The following SLC1A2 variants were observed in gnomAD, a reference collection of about 807,000 sequenced individuals.
The protein encoded by SLC1A2 is excitatory amino acid transporter 2.
SLC1A2 carries 15 observed loss-of-function variants against 48.8 expected under a neutral mutation model. The ratio of observed to expected loss-of-function variants is 0.31; its 90% CI spans 0.21 to 0.47. The LOEUF is 0.47. Ranked by LOEUF, SLC1A2 falls within the 20% of genes least tolerant of loss-of-function variation. The probability of loss-of-function intolerance (pLI) is 0.99; values close to 1 mark genes in which losing one functional copy is unlikely to be tolerated. For missense variants in SLC1A2, 502 were observed against 730.5 expected, an observed-to-expected ratio of 0.69 and a Z score of 3.61; for synonymous variants, 279 against 272.6, an observed-to-expected ratio of 1.02 and a Z score of -0.23.
At chr11:35,323,075 T>C in intron 1 of SLC1A2, 1 of 366,918 alleles carries the variant, frequency 2.7e-6, no homozygotes, top group East Asian at 6.0e-5. Context: ...TCTCCTTCAG[T>C]CCCTTCTTCT....
chr11:35,302,959 A>T (rs999730423), intron 5 of SLC1A2, among the ~76,000 whole-genome samples: 1 of 150,842 alleles, frequency 6.6e-6, no homozygotes, highest in African/African-American at 2.4e-5. Flanking sequence ...CCTTGGCTAC[A>T]GGACTTTGCT....
intron 1 of SLC1A2, among the ~76,000 whole-genome samples, chr11:35,355,466 G>A (rs1853421609): frequency 6.6e-6 from 1 of 152,116 alleles, no homozygotes; most frequent in African/African-American, 2.4e-5. Flanking sequence ...AGTTCACTGG[G>A]AAAAAAAGCA....
intron 1 of SLC1A2, among the ~76,000 whole-genome samples, chr11:35,327,371 G>T (rs1852282321): frequency 6.6e-6 from 1 of 152,042 alleles, no homozygotes; most frequent in Admixed American, 6.5e-5. Context: ...AAAAGAACAG[G>T]TACTAATTTT....
intron 6 of SLC1A2, among the ~76,000 whole-genome samples, chr11:35,297,316 A>AC (rs1366793847): frequency 6.6e-6 from 1 of 151,506 alleles, no homozygotes; most frequent in African/African-American, 2.4e-5. Flanking sequence ...AATACTCCTT[A>AC]CCCCCGAGCA....
At chr11:35,293,786 T>C (rs1183700343) in intron 6 of SLC1A2, among the ~76,000 whole-genome samples, 2 of 152,184 alleles carry the variant, frequency 1.3e-5, no homozygotes, top group East Asian at 3.8e-4. Context: ...AACACTTTCC[T>C]GGATTAAAGA....
intron 1 of SLC1A2, among the ~76,000 whole-genome samples, chr11:35,381,304 A>G (rs947398732): frequency 6.6e-6 from 1 of 152,144 alleles, no homozygotes; most frequent in Non-Finnish European, 1.5e-5. Context: ...GCCTCTTCCT[A>G]GAAGTATCAG....
chr11:35,411,816 T>G (rs370049042), intron 1 of SLC1A2, among the ~76,000 whole-genome samples: 3 of 152,342 alleles, frequency 2.0e-5, no homozygotes, highest in South Asian at 4.1e-4. Flanking sequence ...CATTTTCAAT[T>G]AACTAAACTT....
chr11:35,344,053 C>CT lies in SLC1A2; in HGVS notation c.18-26538dup, dbSNP rs923073554. ...GATCCTTTTTTACCCATCATTAAAA[C>CT]TTTTTTTTTTTACAGGTGAGACCTA... On this transcript the variant is annotated intron_variant, in intron 1 of 10. Coordinates refer to ENST00000278379, the MANE Select transcript of SLC1A2 (RefSeq NM_004171.4). Among the ~76,000 whole-genome samples, 119 of 146,506 alleles carry CT rather than the reference C, an allele frequency of 8.1e-4. 2 individuals are homozygous for CT. Among genetic ancestry groups the CT allele is most frequent in the South Asian group, 5.3e-3 (24 of 4,550 alleles).
rs941158383 is a variant in SLC1A2, at chr11:35,284,781, T to A, written c.1286+1976A>T. On this transcript the variant is annotated intron_variant, in intron 8 of 10. Coordinates refer to ENST00000278379, the MANE Select transcript of SLC1A2 (RefSeq NM_004171.4). Reference sequence around the variant, plus strand: ...CTGAAGTGGCCATTCCATGGCAATATCAGCCCCTAGAACACATAGAGGACA... The same window carrying A: ...CTGAAGTGGCCATTCCATGGCAATAACAGCCCCTAGAACACATAGAGGACA... 2.6e-5 allele frequency among the ~76,000 whole-genome samples: 4 copies of A among 152,150 alleles called. No homozygotes were observed. In the South Asian group the frequency reaches 8.3e-4, roughly 32 times the overall value.
At chr11:35,380,983 G>GA (rs1854402743) in intron 1 of SLC1A2, among the ~76,000 whole-genome samples, 2 of 152,178 alleles carry the variant, frequency 1.3e-5, no homozygotes, top group Non-Finnish European at 2.9e-5. Context: ...AGAAGGAAAA[G>GA]AAAAGAAAAC....
intron 1 of SLC1A2, among the ~76,000 whole-genome samples, chr11:35,326,991 G>A (rs1486407650): frequency 6.6e-6 from 1 of 152,168 alleles, no homozygotes; most frequent in African/African-American, 2.4e-5. Flanking sequence ...AACCATATCT[G>A]GAAGCCAGAC....
At chr11:35,273,347 A>C (rs928591643) in intron 9 of SLC1A2, among the ~76,000 whole-genome samples, 1 of 152,184 alleles carries the variant, frequency 6.6e-6, no homozygotes, top group Non-Finnish European at 1.5e-5. Context: ...TAAGAGCGTG[A>C]AGTCCGGATA....
At position 35,379,302 on chromosome 11, in the gene SLC1A2, G is replaced by A. The variant is rs1200276567; in HGVS notation, c.17+39648C>T. Among the ~76,000 whole-genome samples, 3 of 152,236 alleles carry A rather than the reference G, an allele frequency of 2.0e-5. No individual in the cohort carries two copies. The East Asian group carries it at 5.8e-4, about 29-fold the overall frequency. On this transcript the variant is annotated intron_variant, in intron 1 of 10. Coordinates refer to ENST00000278379, the MANE Select transcript of SLC1A2 (RefSeq NM_004171.4). ...GAAGTCTATGTAAATGCCAGCCTTT[G>A]TTATTGCTGCTGCTACTGTTATTAC...
Position 35,317,362 on chromosome 11 carries a change from A to G in SLC1A2, c.157+15T>C, listed in dbSNP as rs2134902620. 1 of 1,611,708 alleles carries G rather than the reference A, an allele frequency of 6.2e-7. No individual in the cohort carries two copies. The highest frequency in any genetic ancestry group is 8.5e-7 in the Non-Finnish European group (1 of 1,178,068). On this transcript the variant is annotated intron_variant, in intron 2 of 10. Transcript: ENST00000278379. Reference sequence around the variant, plus strand: ...GAGAAGAGGGGGCTGGGGGTGGGGTAGTGCAGGTACCTACCAAACACCGTC... The same window carrying G: ...GAGAAGAGGGGGCTGGGGGTGGGGTGGTGCAGGTACCTACCAAACACCGTC...
chr11:35,401,196 G>A (rs1181785735), intron 1 of SLC1A2, among the ~76,000 whole-genome samples: 1 of 152,110 alleles, frequency 6.6e-6, no homozygotes, highest in Non-Finnish European at 1.5e-5. Context: ...TGGACTGTAA[G>A]TGTTTCTTAT....
intron 1 of SLC1A2, among the ~76,000 whole-genome samples, chr11:35,382,409 C>T (rs750379554): frequency 6.6e-6 from 1 of 152,242 alleles, no homozygotes; most frequent in Non-Finnish European, 1.5e-5. Context: ...CCAGTGAAAT[C>T]TTTGTTTAGC....
chr11:35,321,743 G>A (rs1447600607), intron 1 of SLC1A2, among the ~76,000 whole-genome samples: 1 of 152,168 alleles, frequency 6.6e-6, no homozygotes, highest in South Asian at 2.1e-4. Flanking sequence ...ATGGCAATGA[G>A]CAGAAAGTGC....
intron 9 of SLC1A2, among the ~76,000 whole-genome samples, chr11:35,270,318 T>C (rs1850245619): frequency 6.6e-6 from 1 of 152,114 alleles, no homozygotes; most frequent in Non-Finnish European, 1.5e-5. Context: ...GAGGTTGTAC[T>C]AAGCGGAATA....
At position 35,315,181 on chromosome 11, in the gene SLC1A2, A is replaced by G. The variant is rs758383030; in HGVS notation, c.158-6T>C. On this transcript the variant is annotated splice_region_variant and splice_polypyrimidine_tract_variant and intron_variant, in intron 2 of 10. Coordinates refer to ENST00000278379, the MANE Select transcript of SLC1A2 (RefSeq NM_004171.4). ...CACTGCTCCCAGGATGACACCTAAA[A>G]GGAAGGGGAAAACAATATGAATTTA... 30 of 1,612,300 alleles carry G rather than the reference A, an allele frequency of 1.9e-5. No homozygotes were observed. In the African/African-American group the frequency reaches 3.5e-4, roughly 19 times the overall value.
Sources: allele counts gnomAD v4.1 joint callset (sites outside exome capture counted in the v4.1 genomes callset), GRCh38; gene constraint gnomAD v4.1.1; transcripts MANE v1.5; gene names NCBI Gene and HGNC (gene_info 2026-07-23, HGNC 2026-07-21).